Variants in ENOX1 observed in about 807,000 individuals in gnomAD.
ENOX1 encodes ecto-NOX disulfide-thiol exchanger 1, also known as candidate growth-related and time keeping constitutive hydroquinone (NADH) oxidase.
In ENOX1, 42 loss-of-function variants were observed where a neutral mutation model predicts 82.5. The ratio of observed to expected loss-of-function variants is 0.51; its 90% CI spans 0.40 to 0.66. ENOX1 has a LOEUF of 0.66. ENOX1 is among the 30% of genes least tolerant of loss of function. The probability of loss-of-function intolerance (pLI) is 0.00; values close to 1 mark genes in which losing one functional copy is unlikely to be tolerated. For synonymous variants in ENOX1, 271 were observed against 282.2 expected (o/e 0.96, Z 0.40); for missense variants, 608 against 811.6 (o/e 0.75, Z 3.05).
At chr13:43,316,108 C>A (rs986793630) in intron 11 of ENOX1, among the ~76,000 whole-genome samples, 6 of 152,172 alleles carry the variant, frequency 3.9e-5, no homozygotes, top group Non-Finnish European at 7.3e-5. Flanking sequence ...TCAGCTCAAG[C>A]CCTCCACCAG....
chr13:43,575,404 A>G (rs2080375941), intron 2 of ENOX1, among the ~76,000 whole-genome samples: 1 of 152,150 alleles, frequency 6.6e-6, no homozygotes, highest in Non-Finnish European at 1.5e-5. Context: ...AGGAAGCTAC[A>G]CTACTACTAC....
chr13:43,220,995 G>C (rs965993557), intron 16 of ENOX1, among the ~76,000 whole-genome samples: 1 of 152,180 alleles, frequency 6.6e-6, no homozygotes, highest in Non-Finnish European at 1.5e-5. Flanking sequence ...TGTTTGCAGA[G>C]GTATGCTATT....
chr13:43,317,453 C>A (rs2047567257), intron 11 of ENOX1, among the ~76,000 whole-genome samples: 1 of 152,102 alleles, frequency 6.6e-6, no homozygotes, highest in East Asian at 1.9e-4. Flanking sequence ...TTCAGAAGTA[C>A]TACCACCCAG....
At chr13:43,531,402 A>T (rs1433631871) in intron 2 of ENOX1, among the ~76,000 whole-genome samples, 1 of 151,866 alleles carries the variant, frequency 6.6e-6, no homozygotes. Context: ...TAGAATGGTG[A>T]TCATTAAAAA....
chr13:43,269,905 T>C (rs2289776), intron 12 of ENOX1, among the ~76,000 whole-genome samples: 25,085 of 152,232 alleles, frequency 0.16, 2,727 homozygotes, highest in East Asian at 0.6. Flanking sequence ...AATTATAATA[T>C]AGTCAACTTG....
chr13:43,539,619 T>A (rs2078623774), intron 2 of ENOX1, among the ~76,000 whole-genome samples: 1 of 152,210 alleles, frequency 6.6e-6, no homozygotes, highest in East Asian at 1.9e-4. Context: ...TTTTTATATG[T>A]TCTATGTATA....
intron 12 of ENOX1, among the ~76,000 whole-genome samples, chr13:43,283,101 ATTT>A (rs1300693917): frequency 1.4e-5 from 2 of 141,788 alleles, no homozygotes; most frequent in South Asian, 2.2e-4. Flanking sequence ...AAAAAAAAAA[ATTT>A]AAGCTATTAA....
intron 12 of ENOX1, among the ~76,000 whole-genome samples, chr13:43,279,751 T>A (rs1867513): frequency 0.98 from 148,570 of 152,342 alleles, 72,573 homozygotes; most frequent in East Asian, 1. Context: ...AAACACTAAG[T>A]CCCACGAGGT....
intron 5 of ENOX1, among the ~76,000 whole-genome samples, chr13:43,398,039 C>A (rs1458762699): frequency 6.6e-6 from 1 of 152,136 alleles, no homozygotes; most frequent in Non-Finnish European, 1.5e-5. Context: ...TTTAAAAGGG[C>A]ACTGATCTCA....
intron 12 of ENOX1, among the ~76,000 whole-genome samples, chr13:43,290,256 C>CA (rs1262337544): frequency 1.3e-5 from 2 of 152,176 alleles, no homozygotes; most frequent in African/African-American, 4.8e-5. Flanking sequence ...ATCATTCTAC[C>CA]AAAAAGACAC....
intron 2 of ENOX1, among the ~76,000 whole-genome samples, chr13:43,524,041 T>C (rs1333095640): frequency 6.6e-6 from 1 of 152,136 alleles, no homozygotes; most frequent in Non-Finnish European, 1.5e-5. Context: ...ATGGAATCTG[T>C]TGCTTCCTTT....
Position 43,443,201 on chromosome 13 carries a change from G to A in ENOX1, c.-74-30213C>T, listed in dbSNP as rs142583804. Among the ~76,000 whole-genome samples, 86 of 152,106 alleles carry A rather than the reference G, an allele frequency of 5.7e-4. 1 individual carries two copies. Among genetic ancestry groups the A allele is most frequent in the Non-Finnish European group, 2.2e-4 (15 of 67,998 alleles). On this transcript the variant is annotated intron_variant, in intron 3 of 16. Transcript: ENST00000690772. Reference sequence around the variant, plus strand: ...CACATGTTTCCAGTATAAATCTTTCGTATATAGCAAAGAGAATCTGTGACC... The same window carrying A: ...CACATGTTTCCAGTATAAATCTTTCATATATAGCAAAGAGAATCTGTGACC...
chr13:43,336,576 T>C (rs545768633), intron 9 of ENOX1, among the ~76,000 whole-genome samples: 5 of 152,334 alleles, frequency 3.3e-5, no homozygotes, highest in African/African-American at 1.2e-4. Context: ...AGGAGTAACC[T>C]TCACAGCAAG....
chr13:43,390,315 G>T (rs1364591448), intron 5 of ENOX1, among the ~76,000 whole-genome samples: 1 of 146,448 alleles, frequency 6.8e-6, no homozygotes, highest in Non-Finnish European at 1.5e-5. Flanking sequence ...AGAGGGAGAA[G>T]TGGTATTGCA....
At chr13:43,606,813 G>A (rs903707549) in intron 2 of ENOX1, among the ~76,000 whole-genome samples, 6 of 152,044 alleles carry the variant, frequency 3.9e-5, no homozygotes, top group Non-Finnish European at 5.9e-5. Context: ...ACAGGAGTTC[G>A]AGACCAGCCT....
chr13:43,273,169 C>T (rs531757974), intron 12 of ENOX1, among the ~76,000 whole-genome samples: 2 of 152,294 alleles, frequency 1.3e-5, no homozygotes, highest in South Asian at 4.1e-4. Context: ...GTCTAAACGT[C>T]TTTCCCTGGT....
intron 1 of ENOX1, among the ~76,000 whole-genome samples, chr13:43,766,726 C>A (rs570952323): frequency 6.6e-6 from 1 of 152,264 alleles, no homozygotes; most frequent in South Asian, 2.1e-4. Context: ...AATTTGTAGA[C>A]ACAGACAAGG....
chr13:43,588,581 G>A (rs1200922637), intron 2 of ENOX1, among the ~76,000 whole-genome samples: 1 of 152,222 alleles, frequency 6.6e-6, no homozygotes, highest in Non-Finnish European at 1.5e-5. Flanking sequence ...GGAATTTGAA[G>A]TTGAAAGTCC....
chr13:43,226,600 G>A (rs577969699), intron 15 of ENOX1, among the ~76,000 whole-genome samples: 1 of 152,318 alleles, frequency 6.6e-6, no homozygotes, highest in Non-Finnish European at 1.5e-5. Context: ...TCACGATGGT[G>A]AGTGGGGCTT....
Sources: gnomAD v4.1 joint callset for allele counts (sites outside exome capture counted in the v4.1 genomes callset) on GRCh38, gnomAD v4.1.1 for gene constraint, MANE v1.5 for transcripts, NCBI Gene and HGNC (gene_info 2026-07-23, HGNC 2026-07-21) for gene names.